The following TRIM66 variants were observed in gnomAD, a reference collection of about 807,000 sequenced individuals.
TRIM66 encodes the protein tripartite motif containing 66.
A neutral mutation model predicts 148.2 loss-of-function variants in TRIM66; 99 were observed. That is an observed-to-expected ratio of 0.67 (90% confidence interval 0.57 to 0.79). The LOEUF (loss-of-function observed/expected upper bound fraction) is 0.79, where lower values mean the gene tolerates loss of function less well. Among genes scored for constraint, TRIM66 ranks in the 30% least tolerant of loss-of-function variants. The pLI is 0.00. For missense variants in TRIM66, 1,666 were observed against 1,697.9 expected, an observed-to-expected ratio of 0.98 and a Z score of 0.33; for synonymous variants, 616 against 635.9, an observed-to-expected ratio of 0.97 and a Z score of 0.47.
upstream of TRIM66, chr11:8,682,862 CCT>C: frequency 6.3e-7 from 1 of 1,596,642 alleles, no homozygotes; most frequent in Non-Finnish European, 8.5e-7. Flanking sequence ...GGCGGAGACC[CCT>C]AAGCTGTATT....
At chr11:8,679,104 T>C (rs566416108) in intron 3 of TRIM66, 2 of 152,340 alleles carry the variant, frequency 1.3e-5, no homozygotes, top group South Asian at 4.1e-4. Context: ...TCATGTCCCA[T>C]GTGCCTAGCT....
rs963746760 is a variant in TRIM66 at position 8,672,386 on chromosome 11, C to G, written c.-111-1G>C. On this transcript the variant is annotated splice_acceptor_variant, in intron 4 of 24. Transcript: ENST00000646038. LOFTEE classifies it low-confidence loss of function (5UTR_SPLICE). Reference sequence around the variant, plus strand: ...CTCCTTATTGGTAGACAAGCTTGACCTAAGTTTCAATTTTGGAAAAAGGAA... The same window carrying G: ...CTCCTTATTGGTAGACAAGCTTGACGTAAGTTTCAATTTTGGAAAAAGGAA... 42 of 1,499,412 alleles carry G rather than the reference C, an allele frequency of 2.8e-5. No homozygotes were observed. The highest frequency in any genetic ancestry group is 1.6e-4 in the Admixed American group (7 of 42,510). The allele number at this position is 1,499,412 out of a possible 1,614,324, so 92.9% of individuals were successfully genotyped here. A position where few individuals can be genotyped will look rare whatever the true frequency, so the allele number is the denominator to read the frequency against.
At chr11:8,626,693 G>A (rs568362736) in intron 15 of TRIM66, among the ~76,000 whole-genome samples, 4 of 152,264 alleles carry the variant, frequency 2.6e-5, no homozygotes, top group Admixed American at 6.5e-5. Context: ...ACACGGATCC[G>A]ATCACATCAT....
rs563135934 is a variant in TRIM66, at chr11:8,648,341, G to C, written c.725+75C>G. 2.2e-5 allele frequency: 33 copies of C among 1,517,216 alleles called. No homozygotes were observed. In the African/African-American group the frequency reaches 3.6e-4, roughly 17 times the overall value. 94.0% of individuals were successfully genotyped at this position (1,517,216 alleles called of 1,614,324 possible). A position where few individuals can be genotyped will look rare whatever the true frequency, so the allele number is the denominator to read the frequency against. ...GGCAGGGAGAAGATTCTGATGCACG[G>C]GGATTCCCAGAGCTCTCACAAGTAA... On this transcript the variant is annotated intron_variant, in intron 9 of 24. Coordinates refer to ENST00000646038, the MANE Select transcript of TRIM66 (RefSeq NM_001388022.1).
intron 7 of TRIM66, among the ~76,000 whole-genome samples, chr11:8,650,657 T>C (rs1015917372): frequency 4.6e-5 from 7 of 152,060 alleles, no homozygotes; most frequent in African/African-American, 1.7e-4. Flanking sequence ...AGTAATGCTG[T>C]AATTAAAAGG....
intron 3 of TRIM66, chr11:8,679,406 T>C (rs529729666): frequency 6.6e-6 from 1 of 152,568 alleles, no homozygotes; most frequent in East Asian, 1.9e-4. Context: ...CGGGTAGTGC[T>C]GGGTCCACTC....
chr11:8,662,935 G>C (rs1565562676), intron 6 of TRIM66, among the ~76,000 whole-genome samples: 2 of 152,170 alleles, frequency 1.3e-5, no homozygotes, highest in Admixed American at 6.5e-5. Context: ...TTTACTTAAA[G>C]TATAATTTTG....
chr11:8,670,037 G>C (rs2038846571), intron 6 of TRIM66, among the ~76,000 whole-genome samples: 1 of 140,738 alleles, frequency 7.1e-6, no homozygotes, highest in Non-Finnish European at 1.5e-5. Flanking sequence ...TTTTGAGACA[G>C]AGTCTCACTC....
intron 6 of TRIM66, among the ~76,000 whole-genome samples, chr11:8,665,352 G>C (rs2038521339): frequency 6.6e-6 from 1 of 152,190 alleles, no homozygotes. Flanking sequence ...CCATTCTTTT[G>C]ACCCTTCAGA....
chr11:8,618,081 G>A, intron 24 of TRIM66, 78 bp from the exon 25 acceptor site: 2 of 1,371,306 alleles, frequency 1.5e-6, no homozygotes, highest in South Asian at 2.5e-5. Context: ...TGTCAAGATT[G>A]CAGTTCTGCC....
intron 1 of TRIM66, among the ~76,000 whole-genome samples, chr11:8,681,134 A>AT (rs72232543): frequency 0.17 from 23,676 of 141,442 alleles, 2,119 homozygotes; most frequent in East Asian, 0.25. Context: ...GAATTTTGGA[A>AT]TTTTTTTTTT....
intron 6 of TRIM66, among the ~76,000 whole-genome samples, chr11:8,654,248 A>C (rs533453572): frequency 6.6e-6 from 1 of 152,320 alleles, no homozygotes; most frequent in Non-Finnish European, 1.5e-5. Flanking sequence ...ATCTCTCTCT[A>C]ATCTCATCTT....
intron 6 of TRIM66, among the ~76,000 whole-genome samples, chr11:8,665,724 G>A (rs891733867): frequency 7.2e-5 from 11 of 152,174 alleles, no homozygotes; most frequent in Admixed American, 2.0e-4. Flanking sequence ...TTGGGAGGCC[G>A]AGGCGGGCAG....
intron 3 of TRIM66, among the ~76,000 whole-genome samples, chr11:8,676,499 TCA>T (rs1284108055): frequency 1.3e-5 from 2 of 152,170 alleles, no homozygotes; most frequent in Non-Finnish European, 2.9e-5. Context: ...AGACCTTGCA[TCA>T]CAATCCTGGG....
chr11:8,675,723 A>AT (rs2133539706), intron 3 of TRIM66, among the ~76,000 whole-genome samples: 1 of 151,120 alleles, frequency 6.6e-6, no homozygotes, highest in East Asian at 2.0e-4. Context: ...TTCACTTTTT[A>AT]TTTTTTTAAT....
Position 8,641,120 on chromosome 11 carries a change from T to G in TRIM66, c.1255A>C (p.Arg419=). 6.4e-7 allele frequency: 1 copy of G among 1,551,486 alleles called. No homozygotes were observed. The highest frequency in any genetic ancestry group is 8.7e-7 in the Non-Finnish European group (1 of 1,146,774). The change falls in exon 14 of 25, where the codon AGG becomes CGG. Residue 419 remains arginine, a synonymous_variant. Coordinates refer to ENST00000646038, the MANE Select transcript of TRIM66 (RefSeq NM_001388022.1). ...CITTEGGQMS[R]ADAPAYGGLQ... is the part of the protein sequence containing the mutation. ...CCTCCATAAGCAGGAGCATCTGCCC[T>G]GGACATTTGTCCACCTTCAGTAGTT...
rs2033825599 is a variant in TRIM66, at chr11:8,617,929, GTC to G, written c.*13_*14del. 1 of 1,551,452 alleles carries G rather than the reference GTC, an allele frequency of 6.4e-7. No individual in the cohort carries two copies. The highest frequency in any genetic ancestry group is 8.7e-7 in the Non-Finnish European group (1 of 1,146,876). On this transcript the variant is annotated 3_prime_UTR_variant, in exon 25 of 25. Coordinates refer to ENST00000646038, the MANE Select transcript of TRIM66 (RefSeq NM_001388022.1). ...GGGACAACAGCTGCCAGAGTGCCCA[GTC>G]TCCTTTTGGCTCTCACACCTGAGAG...
chr11:8,668,187 T>C (rs1438845504), intron 6 of TRIM66, among the ~76,000 whole-genome samples: 1 of 152,236 alleles, frequency 6.6e-6, no homozygotes, highest in Non-Finnish European at 1.5e-5. Context: ...TGAGCATTTT[T>C]TCTTGGGCTT....
chr11:8,678,419 C>T (rs2039278530), intron 3 of TRIM66, among the ~76,000 whole-genome samples: 1 of 152,162 alleles, frequency 6.6e-6, no homozygotes, highest in African/African-American at 2.4e-5. Flanking sequence ...GATTTGTATA[C>T]TATGATCACT....
Sources: gnomAD v4.1 joint callset for allele counts (sites outside exome capture counted in the v4.1 genomes callset) on GRCh38, gnomAD v4.1.1 for gene constraint, MANE v1.5 for transcripts, NCBI Gene and HGNC (gene_info 2026-07-23, HGNC 2026-07-21) for gene names.